Variants in LDLRAD4 observed in about 807,000 individuals in gnomAD.
LDLRAD4 encodes low density lipoprotein receptor class A domain containing 4.
LDLRAD4 carries 5 observed loss-of-function variants against 17.0 expected under a neutral mutation model. That is an observed-to-expected ratio of 0.29 (90% confidence interval 0.15 to 0.62). The LOEUF (loss-of-function observed/expected upper bound fraction) is 0.62, where lower values mean the gene tolerates loss of function less well. Ranked by LOEUF, LDLRAD4 falls within the 20% of genes least tolerant of loss-of-function variation. The probability of loss-of-function intolerance (pLI) is 0.84; values close to 1 mark genes in which losing one functional copy is unlikely to be tolerated. For missense variants in LDLRAD4, 340 were observed against 424.7 expected (o/e 0.80, Z 1.75); for synonymous variants, 168 against 171.8 (o/e 0.98, Z 0.17).
chr18:13,479,973 C>G (rs978386263), intron 3 of LDLRAD4, among the ~76,000 whole-genome samples: 1 of 152,136 alleles, frequency 6.6e-6, no homozygotes, highest in South Asian at 2.1e-4. Context: ...TCATCTATGG[C>G]GGGGGGCAGC....
rs554342373 is a variant in LDLRAD4 at position 13,356,915 on chromosome 18, C to T, written c.-382-30426C>T. ...TTGGAAGGCCGAGGTGGAGGGATCACGTGAGGTCAGGAGGTCAAGACCAGC... is the reference window on the plus strand; with the variant it reads ...TTGGAAGGCCGAGGTGGAGGGATCATGTGAGGTCAGGAGGTCAAGACCAGC... On this transcript the variant is annotated intron_variant, in intron 1 of 5. Transcript: ENST00000359446. 9.2e-5 allele frequency among the ~76,000 whole-genome samples: 14 copies of T among 152,334 alleles called. 1 individual carries two copies. The East Asian group carries it at 1.9e-3, about 21-fold the overall frequency.
At position 13,282,787 on chromosome 18, in the gene LDLRAD4, C is replaced by A. The variant is rs1599103863; in HGVS notation, c.-383+4599C>A. On this transcript the variant is annotated intron_variant, in intron 1 of 5. Transcript: ENST00000359446. Reference sequence around the variant, plus strand: ...CTTCTCCCAGCTCCACTAGGCCATGCCCCAGTAGGGACTCTGTGTGGGGGC... The same window carrying A: ...CTTCTCCCAGCTCCACTAGGCCATGACCCAGTAGGGACTCTGTGTGGGGGC... 1.3e-5 allele frequency among the ~76,000 whole-genome samples: 2 copies of A among 152,306 alleles called. 1 individual carries two copies. Among genetic ancestry groups the A allele is most frequent in the South Asian group, 4.2e-4 (2 of 4,818 alleles).
chr18:13,642,761 TAGA>T, intron 4 of LDLRAD4: 3 of 1,230,054 alleles, frequency 2.4e-6, no homozygotes, highest in Non-Finnish European at 2.0e-6. Flanking sequence ...CACACAGGTG[TAGA>T]GAGTGAGCCA....
intron 1 of LDLRAD4, among the ~76,000 whole-genome samples, chr18:13,294,811 A>G (rs2046177325): frequency 1.3e-5 from 2 of 149,172 alleles, no homozygotes; most frequent in East Asian, 2.0e-4. Context: ...ACAGCCTGAT[A>G]TGTAAAATAG....
chr18:13,497,360 G>A (rs879228251), intron 3 of LDLRAD4, among the ~76,000 whole-genome samples: 1 of 141,256 alleles, frequency 7.1e-6, no homozygotes, highest in Admixed American at 7.3e-5. Flanking sequence ...TGTTTTTTTT[G>A]TAGAGACAAG....
intron 1 of LDLRAD4, among the ~76,000 whole-genome samples, chr18:13,295,774 C>T (rs749365865): frequency 2.6e-5 from 4 of 152,230 alleles, no homozygotes; most frequent in Non-Finnish European, 4.4e-5. Context: ...GGCTATAAGC[C>T]TTCTCTAGTA....
At chr18:13,651,201 A>C (rs2043231688) in exon 6 of LDLRAD4, 2 of 152,242 alleles carry the variant, frequency 1.3e-5, no homozygotes, top group African/African-American at 4.8e-5. Flanking sequence ...TGTCAGAGGA[A>C]TAAGTAAATC....
intron 3 of LDLRAD4, among the ~76,000 whole-genome samples, chr18:13,598,535 G>A (rs2095121512): frequency 2.0e-5 from 3 of 152,142 alleles, no homozygotes; most frequent in Admixed American, 6.5e-5. Flanking sequence ...GGTTTGTTCT[G>A]ACCCCAGAAA....
chr18:13,510,518 T>G (rs1418449041), intron 3 of LDLRAD4, among the ~76,000 whole-genome samples: 1 of 148,164 alleles, frequency 6.7e-6, no homozygotes, highest in Admixed American at 6.8e-5. Flanking sequence ...CTTTGGAGAG[T>G]TGGGGGGAAT....
intron 2 of LDLRAD4, among the ~76,000 whole-genome samples, chr18:13,390,493 G>A (rs1306489389): frequency 6.6e-6 from 1 of 152,166 alleles, no homozygotes; most frequent in East Asian, 1.9e-4. Context: ...CAGAGACTGA[G>A]GTTTAATTGG....
chr18:13,571,351 A>T (rs190302105), intron 3 of LDLRAD4, among the ~76,000 whole-genome samples: 120 of 152,234 alleles, frequency 7.9e-4, no homozygotes, highest in African/African-American at 2.9e-3. Flanking sequence ...GCCTCCAAGA[A>T]CCTTATATAA....
At chr18:13,454,005 G>C (rs1472543264) in intron 3 of LDLRAD4, among the ~76,000 whole-genome samples, 1 of 152,288 alleles carries the variant, frequency 6.6e-6, no homozygotes, top group Non-Finnish European at 1.5e-5. Flanking sequence ...CGACTGCGGG[G>C]ACAGAGCCGG....
At chr18:13,567,750 G>GT (rs1324479948) in intron 3 of LDLRAD4, among the ~76,000 whole-genome samples, 3 of 72,474 alleles carry the variant, frequency 4.1e-5, no homozygotes, top group African/African-American at 1.3e-4. Context: ...AACTTTTTTT[G>GT]TTAAAAAAAA....
upstream of LDLRAD4, among the ~76,000 whole-genome samples, chr18:13,218,413 T>C (rs2041267064): frequency 6.6e-6 from 1 of 152,144 alleles, no homozygotes; most frequent in Non-Finnish European, 1.5e-5. Context: ...GGGCGCAGGG[T>C]GTCCCGCGGT....
At chr18:13,386,122 CTTTTTCT>C (rs1347123144) in intron 1 of LDLRAD4, among the ~76,000 whole-genome samples, 1 of 152,128 alleles carries the variant, frequency 6.6e-6, no homozygotes, top group Non-Finnish European at 1.5e-5. Context: ...CTCTTAAGTT[CTTTTTCT>C]TTAGTTTGAT....
At chr18:13,249,675 G>A (rs2043138220) in intron 1 of LDLRAD4, among the ~76,000 whole-genome samples, 1 of 151,918 alleles carries the variant, frequency 6.6e-6, no homozygotes, top group African/African-American at 2.4e-5. Flanking sequence ...ATTGTCTGCA[G>A]GTATGTCCTC....
At chr18:13,418,447 T>C (rs2089140276) in intron 2 of LDLRAD4, among the ~76,000 whole-genome samples, 1 of 152,236 alleles carries the variant, frequency 6.6e-6, no homozygotes, top group Non-Finnish European at 1.5e-5. Flanking sequence ...TGATGGACCC[T>C]TAAAGCTGCA....
intron 3 of LDLRAD4, among the ~76,000 whole-genome samples, chr18:13,494,774 C>G (rs530608297): frequency 6.7e-6 from 1 of 148,252 alleles, no homozygotes; most frequent in African/African-American, 2.5e-5. Flanking sequence ...GTGCCCCTAG[C>G]GCCTCCCAGG....
chr18:13,326,658 G>A (rs983728213), intron 1 of LDLRAD4, among the ~76,000 whole-genome samples: 3 of 152,318 alleles, frequency 2.0e-5, no homozygotes, highest in East Asian at 1.9e-4. Flanking sequence ...ACTTTTCTGC[G>A]GGGTTTGGCT....
Sources: allele counts gnomAD v4.1 joint callset (sites outside exome capture counted in the v4.1 genomes callset), GRCh38; gene constraint gnomAD v4.1.1; transcripts MANE v1.5; gene names NCBI Gene and HGNC (gene_info 2026-07-23, HGNC 2026-07-21).